The following CPA6 variants were observed in gnomAD, a reference collection of about 807,000 sequenced individuals.
CPA6 encodes carboxypeptidase A6.
Under a neutral mutation model 63.3 loss-of-function variants are expected in CPA6, and 58 were observed. That is an observed-to-expected ratio of 0.92 (90% confidence interval 0.74 to 1.14). The LOEUF (loss-of-function observed/expected upper bound fraction) is 1.14. CPA6 is among the 50% of genes most tolerant of loss of function. CPA6 has a pLI of 0.00. For synonymous variants in CPA6, 185 were observed against 179.0 expected (o/e 1.03, Z -0.27); for missense variants, 565 against 526.6 (o/e 1.07, Z -0.71).
chr8:67,637,981 T>TGTGTGTG (rs1563372142), intron 1 of CPA6, among the ~76,000 whole-genome samples: 5,806 of 146,602 alleles, frequency 0.04, 300 homozygotes, highest in African/African-American at 0.083. Flanking sequence ...GCTAGAAATT[T>TGTGTGTG]TGTGTGTGTG....
At chr8:67,432,284 T>A (rs139046265) in intron 9 of CPA6, among the ~76,000 whole-genome samples, 1 of 152,210 alleles carries the variant, frequency 6.6e-6, no homozygotes, top group Non-Finnish European at 1.5e-5. Context: ...ATTAGACCTA[T>A]GTAATGAAAT....
intron 1 of CPA6, among the ~76,000 whole-genome samples, chr8:67,716,214 C>A (rs1412231707): frequency 1.4e-5 from 2 of 147,114 alleles, no homozygotes; most frequent in South Asian, 2.2e-4. Flanking sequence ...TGAGTCAAAG[C>A]AACTCCATCT....
intron 1 of CPA6, among the ~76,000 whole-genome samples, chr8:67,681,703 A>C (rs796320262): frequency 2.0e-5 from 3 of 152,328 alleles, no homozygotes; most frequent in African/African-American, 7.2e-5. Flanking sequence ...TTAGAGAAGA[A>C]TCAATTGGCC....
rs187956835 is a variant in CPA6, at chr8:67,684,729, C to T, written c.117-60478G>A. On this transcript the variant is annotated intron_variant, in intron 1 of 10. Transcript: ENST00000297770. ...TTTAGTCAGGCCCCTGAACCTTCTC[C>T]TAGGCCCATCTGTCCATTTCCTTGT... 5.9e-5 allele frequency among the ~76,000 whole-genome samples: 9 copies of T among 152,256 alleles called. No individual in the cohort carries two copies. In the East Asian group the frequency reaches 1.4e-3, roughly 23 times the overall value.
chr8:67,703,445 T>G (rs1817067318), intron 1 of CPA6, among the ~76,000 whole-genome samples: 1 of 152,194 alleles, frequency 6.6e-6, no homozygotes, highest in Non-Finnish European at 1.5e-5. Flanking sequence ...AAATTGGATC[T>G]TTCCCCAAAA....
At chr8:67,672,207 G>A (rs1038233395) in intron 1 of CPA6, among the ~76,000 whole-genome samples, 4 of 152,024 alleles carry the variant, frequency 2.6e-5, no homozygotes, top group Non-Finnish European at 5.9e-5. Flanking sequence ...TCAGTATATT[G>A]TAAATATTAA....
At chr8:67,658,499 C>T (rs1325200529) in intron 1 of CPA6, among the ~76,000 whole-genome samples, 2 of 152,180 alleles carry the variant, frequency 1.3e-5, no homozygotes, top group Non-Finnish European at 2.9e-5. Flanking sequence ...GCCTCATTCT[C>T]TTTTTATGCC....
At chr8:67,607,636 G>C (rs1380368701) in intron 2 of CPA6, among the ~76,000 whole-genome samples, 1 of 152,072 alleles carries the variant, frequency 6.6e-6, no homozygotes. Context: ...TAACATCCCA[G>C]GTATTTCCAA....
chr8:67,573,559 CAA>C lies in CPA6; in HGVS notation c.192+50615_192+50616del, dbSNP rs982537216. ...ATGAAACACTTAGAAATAAATTTAA[CAA>C]AGAAAGTGAAAGAACTGTACACAAA... On this transcript the variant is annotated intron_variant, in intron 2 of 10. Coordinates refer to ENST00000297770, the MANE Select transcript of CPA6 (RefSeq NM_020361.5). Among the ~76,000 whole-genome samples the C allele has an allele frequency of 1.4e-3, 206 of 151,942 alleles. 1 individual carries two copies. Among genetic ancestry groups the C allele is most frequent in the African/African-American group, 4.8e-3 (197 of 41,428 alleles).
At chr8:67,476,124 T>C (rs1278297245) in intron 8 of CPA6, among the ~76,000 whole-genome samples, 1 of 151,576 alleles carries the variant, frequency 6.6e-6, no homozygotes, top group African/African-American at 2.4e-5. Context: ...TGCCTCAGCC[T>C]CCCAAGTAGC....
chr8:67,422,501 G>T lies in CPA6; in HGVS notation c.*3C>A. 1 of 1,613,220 alleles carries T rather than the reference G, an allele frequency of 6.2e-7. No homozygotes were observed. Among genetic ancestry groups the T allele is most frequent in the South Asian group, 1.1e-5 (1 of 90,992 alleles). ...TGGCAGTTGACCTGAGCCTTGGGCT[G>T]TCTCAGGGACATTTCTTTAGCAGGT... On this transcript the variant is annotated 3_prime_UTR_variant, in exon 11 of 11. Transcript: ENST00000297770.
At chr8:67,628,162 G>A (rs141666158) in intron 1 of CPA6, among the ~76,000 whole-genome samples, 276 of 151,926 alleles carry the variant, frequency 1.8e-3, no homozygotes, top group African/African-American at 5.8e-3. Context: ...GCAGTGAGCC[G>A]AGATTGAGCC....
chr8:67,579,850 C>T (rs1813722401), intron 2 of CPA6, among the ~76,000 whole-genome samples: 1 of 152,222 alleles, frequency 6.6e-6, no homozygotes, highest in Non-Finnish European at 1.5e-5. Flanking sequence ...TTTGGGGCTA[C>T]AACATCAGAG....
chr8:67,716,927 A>G (rs1193563897), intron 1 of CPA6, among the ~76,000 whole-genome samples: 1 of 152,246 alleles, frequency 6.6e-6, no homozygotes, highest in Non-Finnish European at 1.5e-5. Flanking sequence ...TATAGTTAGC[A>G]GCATACCATT....
At chr8:67,427,433 A>G (rs775636973) in intron 10 of CPA6, among the ~76,000 whole-genome samples, 1 of 152,172 alleles carries the variant, frequency 6.6e-6, no homozygotes, top group Non-Finnish European at 1.5e-5. Context: ...AAATTTGTAT[A>G]CTTTTCTCTT....
At chr8:67,511,938 T>C (rs1587507486) in intron 3 of CPA6, among the ~76,000 whole-genome samples, 1 of 152,358 alleles carries the variant, frequency 6.6e-6, no homozygotes, top group East Asian at 1.9e-4. Context: ...GAATGATGAC[T>C]ACGAGCACTT....
intron 1 of CPA6, among the ~76,000 whole-genome samples, chr8:67,744,191 T>G (rs1817964892): frequency 6.6e-6 from 1 of 152,222 alleles, no homozygotes; most frequent in Non-Finnish European, 1.5e-5. Context: ...TATTTTTGCT[T>G]TTAAAGAAGC....
At chr8:67,689,807 G>A (rs1816780348) in intron 1 of CPA6, among the ~76,000 whole-genome samples, 1 of 152,146 alleles carries the variant, frequency 6.6e-6, no homozygotes. Flanking sequence ...GGGATTACTG[G>A]GTTGAATGGT....
rs1365277454 is a variant in CPA6 at position 67,593,950 on chromosome 8, CGTTA to C, written c.192+30222_192+30225del. Reference sequence around the variant, plus strand: ...TATGATGCTAGCTGGTTATTTTGCTCGTTAGTTAATGCAGTTTCTTCCTAGTCTC... The same window carrying C: ...TATGATGCTAGCTGGTTATTTTGCTCGTTAATGCAGTTTCTTCCTAGTCTC... On this transcript the variant is annotated intron_variant, in intron 2 of 10. Transcript: ENST00000297770. Among the ~76,000 whole-genome samples, 906 of 148,794 alleles carry C rather than the reference CGTTA, an allele frequency of 6.1e-3. 8 individuals carry two copies. Among genetic ancestry groups the C allele is most frequent in the African/African-American group, 0.021 (856 of 40,136 alleles).
Sources: gnomAD v4.1 joint callset for allele counts (sites outside exome capture counted in the v4.1 genomes callset) on GRCh38, gnomAD v4.1.1 for gene constraint, MANE v1.5 for transcripts, NCBI Gene and HGNC (gene_info 2026-07-23, HGNC 2026-07-21) for gene names.